Variants in RIMS2 observed in about 807,000 individuals in gnomAD.
RIMS2 encodes the protein regulating synaptic membrane exocytosis 2.
In RIMS2, 59 loss-of-function variants were observed where a neutral mutation model predicts 174.4. The observed-to-expected ratio is 0.34, with a 90% CI of 0.27 to 0.42. RIMS2 has a LOEUF of 0.42. Ranked by LOEUF, RIMS2 falls within the 10% of genes least tolerant of loss-of-function variation. The pLI is 1.00. For missense variants in RIMS2, 1,620 were observed against 1,666.3 expected (o/e 0.97, Z 0.48); for synonymous variants, 606 against 572.5 (o/e 1.06, Z -0.84).
chr8:103,932,499 A>G (rs2080197623), intron 12 of RIMS2, among the ~76,000 whole-genome samples: 1 of 152,174 alleles, frequency 6.6e-6, no homozygotes, highest in Non-Finnish European at 1.5e-5. Flanking sequence ...TTATCTTATA[A>G]AGTTTGATTA....
intron 14 of RIMS2, among the ~76,000 whole-genome samples, chr8:103,947,848 C>G (rs2084205198): frequency 6.6e-6 from 1 of 152,062 alleles, no homozygotes; most frequent in Non-Finnish European, 1.5e-5. Flanking sequence ...TTTTTCAGCT[C>G]CATCATAATT....
At chr8:104,188,425 A>G (rs2098980848) in intron 19 of RIMS2, among the ~76,000 whole-genome samples, 1 of 151,728 alleles carries the variant, frequency 6.6e-6, no homozygotes, top group Admixed American at 6.6e-5. Flanking sequence ...TGTATAATTC[A>G]AAAAGAGTAT....
chr8:103,912,044 A>C lies in RIMS2; in HGVS notation c.1693-9A>C, dbSNP rs770800795. 5.9e-6 allele frequency: 9 copies of C among 1,532,602 alleles called. No individual in the cohort carries two copies. The African/African-American group carries it at 1.2e-4, about 21-fold the overall frequency. The allele number at this position is 1,532,602 out of a possible 1,614,324, so 94.9% of individuals were successfully genotyped here. A position where few individuals can be genotyped will look rare whatever the true frequency, so the allele number is the denominator to read the frequency against. On this transcript the variant is annotated splice_polypyrimidine_tract_variant and intron_variant, in intron 5 of 23. Coordinates refer to ENST00000504942, the Ensembl canonical transcript of RIMS2. ...TTTATTTATTTTGTTTGTTGATGCA[A>C]AATGTCAGCACCCTGTAACCTGGCA...
intron 19 of RIMS2, among the ~76,000 whole-genome samples, chr8:104,098,401 G>A (rs2097798529): frequency 6.6e-6 from 1 of 152,052 alleles, no homozygotes; most frequent in African/African-American, 2.4e-5. Flanking sequence ...AATATTTGAT[G>A]AAATATTCAG....
chr8:103,656,036 C>A (rs1484278858), intron 1 of RIMS2, among the ~76,000 whole-genome samples: 2 of 151,954 alleles, frequency 1.3e-5, no homozygotes, highest in African/African-American at 4.8e-5. Flanking sequence ...ATAGTGATAA[C>A]CTGGACCACA....
At chr8:103,682,109 CTG>C (rs1463947512) in intron 1 of RIMS2, among the ~76,000 whole-genome samples, 4 of 151,954 alleles carry the variant, frequency 2.6e-5, no homozygotes, top group Non-Finnish European at 4.4e-5. Context: ...CGTAGGAAAA[CTG>C]TGAGTTTTCT....
intron 2 of RIMS2, among the ~76,000 whole-genome samples, 184 bp downstream of exon 4, chr8:103,697,480 G>A (rs1176968773): frequency 2.0e-5 from 3 of 151,974 alleles, no homozygotes; most frequent in Non-Finnish European, 2.9e-5. Context: ...AGGCCAAGGC[G>A]GGCGGATCAC....
At chr8:103,789,542 T>C (rs76800726) in intron 3 of RIMS2, among the ~76,000 whole-genome samples, 1 of 152,106 alleles carries the variant, frequency 6.6e-6, no homozygotes, top group African/African-American at 2.4e-5. Context: ...TGATATCTCA[T>C]CATATTCACA....
At chr8:103,755,753 G>A (rs576540259) in intron 2 of RIMS2, among the ~76,000 whole-genome samples, 2 of 152,114 alleles carry the variant, frequency 1.3e-5, no homozygotes, top group South Asian at 2.1e-4. Flanking sequence ...CAAGGTTCTC[G>A]TGATGTGTTT....
At chr8:103,989,179 A>G in intron 16 of RIMS2, 126 bp from the exon 19 acceptor site, 1 of 649,520 alleles carries the variant, frequency 1.5e-6, no homozygotes, top group South Asian at 1.9e-5. Flanking sequence ...GATGCAATTA[A>G]TTAAAACAAA....
chr8:103,753,749 G>T (rs1043358908), intron 2 of RIMS2, among the ~76,000 whole-genome samples: 1 of 152,158 alleles, frequency 6.6e-6, no homozygotes, highest in Non-Finnish European at 1.5e-5. Flanking sequence ...ATGGTAGTTT[G>T]TATTTCTGTG....
chr8:104,143,829 C>T (rs145927706), intron 19 of RIMS2, among the ~76,000 whole-genome samples: 2 of 152,214 alleles, frequency 1.3e-5, no homozygotes, highest in African/African-American at 4.8e-5. Context: ...TCTTTCATTC[C>T]TTGGTAAATT....
intron 3 of RIMS2, among the ~76,000 whole-genome samples, chr8:103,771,476 T>C (rs1193801805): frequency 1.3e-5 from 2 of 152,192 alleles, no homozygotes; most frequent in African/African-American, 4.8e-5. Context: ...TTTGTAGCAG[T>C]TTCTACAACA....
At chr8:104,116,280 A>G (rs1351648837) in intron 19 of RIMS2, among the ~76,000 whole-genome samples, 7 of 152,194 alleles carry the variant, frequency 4.6e-5, no homozygotes. Flanking sequence ...AGGATGTTCT[A>G]TAAATTGTGT....
intron 1 of RIMS2, among the ~76,000 whole-genome samples, chr8:103,685,398 C>G (rs1333464475): frequency 2.0e-5 from 3 of 152,082 alleles, no homozygotes; most frequent in Non-Finnish European, 2.9e-5. Context: ...AGAGCAAGAA[C>G]TCACTCTATT....
At chr8:103,555,143 C>A (rs760976140) in intron 1 of RIMS2, among the ~76,000 whole-genome samples, 2 of 151,896 alleles carry the variant, frequency 1.3e-5, no homozygotes, top group Non-Finnish European at 2.9e-5. Context: ...ACACAACTTA[C>A]CAGTATAAAA....
intron 20 of RIMS2, among the ~76,000 whole-genome samples, chr8:104,246,315 G>T (rs62508132): frequency 0.079 from 12,058 of 152,042 alleles, 678 homozygotes; most frequent in Non-Finnish European, 0.11. Context: ...TCTCATCTGG[G>T]TCTTTTCTTT....
chr8:103,599,120 C>G (rs927049754), intron 1 of RIMS2, among the ~76,000 whole-genome samples: 2 of 151,746 alleles, frequency 1.3e-5, no homozygotes, highest in African/African-American at 4.8e-5. Context: ...TTTTTTTCTT[C>G]TTAAGAACAA....
chr8:103,968,646 CT>C (rs1472335991), intron 15 of RIMS2, among the ~76,000 whole-genome samples: 3 of 151,948 alleles, frequency 2.0e-5, no homozygotes, highest in African/African-American at 7.2e-5. Flanking sequence ...CCTCCCACTT[CT>C]TGTATCATTG....
Sources: allele counts gnomAD v4.1 joint callset (sites outside exome capture counted in the v4.1 genomes callset), GRCh38; gene constraint gnomAD v4.1.1; transcripts MANE v1.5; gene names NCBI Gene and HGNC (gene_info 2026-07-23, HGNC 2026-07-21).